The following L3MBTL3 variants were observed in gnomAD, a reference collection of about 807,000 sequenced individuals.
L3MBTL3 encodes the protein lethal(3)malignant brain tumor-like protein 3.
L3MBTL3 carries 27 observed loss-of-function variants against 102.3 expected under a neutral mutation model. The ratio of observed to expected loss-of-function variants is 0.26; its 90% confidence interval spans 0.19 to 0.36. The LOEUF is 0.36. L3MBTL3 is among the 10% of genes least tolerant of loss of function. The pLI is 1.00. For synonymous variants in L3MBTL3, 340 were observed against 320.9 expected, an observed-to-expected ratio of 1.06 and a Z score of -0.64; for missense variants, 798 against 955.3, an observed-to-expected ratio of 0.84 and a Z score of 2.17.
At chr6:130,137,037 TTA>T (rs1233403106) in intron 22 of L3MBTL3, among the ~76,000 whole-genome samples, 1 of 152,244 alleles carries the variant, frequency 6.6e-6, no homozygotes, top group Non-Finnish European at 1.5e-5. Context: ...TTGCTTGGTT[TTA>T]TTTGTTTTAT....
chr6:130,137,007 T>C (rs4897367), intron 22 of L3MBTL3, among the ~76,000 whole-genome samples: 146,343 of 152,312 alleles, frequency 0.96, 70,531 homozygotes, highest in Middle Eastern at 1. Context: ...AGAATGTAAA[T>C]TCCACAAAAA....
chr6:130,057,006 C>A (rs945308492), intron 8 of L3MBTL3, among the ~76,000 whole-genome samples: 1 of 152,086 alleles, frequency 6.6e-6, no homozygotes, highest in African/African-American at 2.4e-5. Context: ...TGATTGTTTT[C>A]CTTCCTTTTC....
chr6:130,086,123 A>G lies in L3MBTL3; in HGVS notation c.1408-17A>G, dbSNP rs564258618. 1.1e-5 allele frequency: 16 copies of G among 1,519,084 alleles called. No homozygotes were observed. The highest frequency in any genetic ancestry group is 1.2e-5 in the Non-Finnish European group (13 of 1,098,254). The allele number at this position is 1,519,084 out of a possible 1,614,324, so 94.1% of individuals were successfully genotyped here. A position where few individuals can be genotyped will look rare whatever the true frequency, so the allele number is the denominator to read the frequency against. ...CTTCCTCTTTATCTCACTCTGTAAA[A>G]TTTTTTTTTGTGGCAGAAACCTCCT... On this transcript the variant is annotated splice_polypyrimidine_tract_variant and intron_variant, in intron 15 of 22. Transcript: ENST00000361794.
chr6:130,110,325 C>A (rs888307953), intron 19 of L3MBTL3, among the ~76,000 whole-genome samples: 1 of 152,196 alleles, frequency 6.6e-6, no homozygotes, highest in African/African-American at 2.4e-5. Context: ...TTCTTCCTAT[C>A]CATGAGCATG....
At chr6:130,042,904 T>A in intron 3 of L3MBTL3, 103 bp downstream of exon 3, 1 of 757,716 alleles carries the variant, frequency 1.3e-6, no homozygotes, top group Non-Finnish European at 2.3e-6. Context: ...GCATTAATCA[T>A]AGTGGTGTAG....
chr6:130,072,165 AAAAAT>A (rs2115015197), intron 13 of L3MBTL3, among the ~76,000 whole-genome samples: 1 of 151,862 alleles, frequency 6.6e-6, no homozygotes, highest in East Asian at 1.9e-4. Context: ...ATACAATAAT[AAAAAT>A]AATACAAATA....
chr6:130,131,285 A>G (rs9492459), intron 20 of L3MBTL3, among the ~76,000 whole-genome samples: 36,854 of 152,146 alleles, frequency 0.24, 5,493 homozygotes, highest in Non-Finnish European at 0.34. Context: ...TGTAACCATA[A>G]TGTGATACCA....
chr6:130,057,709 A>G (rs1781601810), intron 9 of L3MBTL3, among the ~76,000 whole-genome samples: 1 of 152,202 alleles, frequency 6.6e-6, no homozygotes, highest in South Asian at 2.1e-4. Flanking sequence ...ACACTGACAC[A>G]CGTGTGCTCT....
chr6:130,045,579 C>G (rs747664596), intron 3 of L3MBTL3, among the ~76,000 whole-genome samples: 5 of 152,114 alleles, frequency 3.3e-5, no homozygotes, highest in Non-Finnish European at 5.9e-5. Flanking sequence ...GGTCTCAAAA[C>G]CAGGCTTTTC....
chr6:130,037,550 A>G (rs914021286), intron 2 of L3MBTL3, among the ~76,000 whole-genome samples: 2 of 152,130 alleles, frequency 1.3e-5, no homozygotes, highest in African/African-American at 4.8e-5. Context: ...TCTATTATTG[A>G]TTAGATTAAT....
intron 2 of L3MBTL3, among the ~76,000 whole-genome samples, chr6:130,035,314 G>T (rs182975884): frequency 6.6e-6 from 1 of 152,278 alleles, no homozygotes; most frequent in Non-Finnish European, 1.5e-5. Context: ...ATGGTAGACT[G>T]GGGCTGCCAG....
chr6:130,029,178 A>T (rs1779546153), intron 2 of L3MBTL3, among the ~76,000 whole-genome samples: 1 of 152,220 alleles, frequency 6.6e-6, no homozygotes, highest in Non-Finnish European at 1.5e-5. Flanking sequence ...CAGTGTATAG[A>T]TTCTGTCCTC....
Position 130,114,125 on chromosome 6 carries a change from C to T in L3MBTL3, c.1887-6754C>T, listed in dbSNP as rs558626799. On this transcript the variant is annotated intron_variant, in intron 19 of 22. Coordinates refer to ENST00000361794, the MANE Select transcript of L3MBTL3 (RefSeq NM_032438.4). Reference sequence around the variant, plus strand: ...GAATTAGGAGCTCTGGAAGTGTTTTCCTATTCTAGCTCTTGAGAACTTGAG... The same window carrying T: ...GAATTAGGAGCTCTGGAAGTGTTTTTCTATTCTAGCTCTTGAGAACTTGAG... 2.0e-5 allele frequency among the ~76,000 whole-genome samples: 3 copies of T among 152,242 alleles called. No individual in the cohort carries two copies. In the South Asian group the frequency reaches 6.2e-4, roughly 32 times the overall value.
rs561881089 is a variant in L3MBTL3, at chr6:130,080,500, G to A, written c.1321+1866G>A. Among the ~76,000 whole-genome samples the A allele has an allele frequency of 2.6e-5, 4 of 152,176 alleles. No homozygotes were observed. In the East Asian group the frequency reaches 7.8e-4, roughly 29 times the overall value. On this transcript the variant is annotated intron_variant, in intron 14 of 22. Transcript: ENST00000361794. ...TTTCCGTACCACCATTTTTGGTCAT[G>A]ATCAGAGATCTGATTAATTAACAAT... is the stretch of plus-strand genomic sequence containing the variant.
At chr6:130,052,068 C>T (rs1014123700) in intron 6 of L3MBTL3, among the ~76,000 whole-genome samples, 1 of 151,712 alleles carries the variant, frequency 6.6e-6, no homozygotes. Flanking sequence ...TGGCATTTCC[C>T]ATGTATTTTA....
chr6:130,097,793 C>T (rs1329734607), intron 18 of L3MBTL3, among the ~76,000 whole-genome samples: 6 of 152,076 alleles, frequency 3.9e-5, no homozygotes, highest in East Asian at 1.9e-4. Flanking sequence ...TTTGGCCAGG[C>T]GCAGTGGCTC....
intron 22 of L3MBTL3, chr6:130,138,498 T>G (rs1236453468): frequency 6.6e-6 from 1 of 152,220 alleles, no homozygotes; most frequent in East Asian, 1.9e-4. Context: ...TCTCTCCTTT[T>G]TATGAGGATA....
At chr6:130,024,545 G>A (rs1779213865) in intron 2 of L3MBTL3, among the ~76,000 whole-genome samples, 1 of 152,146 alleles carries the variant, frequency 6.6e-6, no homozygotes, top group Admixed American at 6.5e-5. Context: ...TGGGTTGGTA[G>A]TTTATTTTTA....
chr6:130,064,774 A>T (rs1028570360), intron 10 of L3MBTL3, among the ~76,000 whole-genome samples: 5 of 152,078 alleles, frequency 3.3e-5, no homozygotes, highest in African/African-American at 7.2e-5. Context: ...GAGGGTGAGG[A>T]TGTAGGAGAT....
Sources: allele counts gnomAD v4.1 joint callset (sites outside exome capture counted in the v4.1 genomes callset), GRCh38; gene constraint gnomAD v4.1.1; transcripts MANE v1.5; gene names NCBI Gene and HGNC (gene_info 2026-07-23, HGNC 2026-07-21).